ITPR1: variants seen among roughly 807,000 people sequenced by gnomAD.
ITPR1 encodes inositol 1,4,5-trisphosphate receptor type 1.
ITPR1 carries 96 observed loss-of-function variants against 318.4 expected under a neutral mutation model. That is an observed-to-expected ratio of 0.30 (90% CI 0.26 to 0.36). The LOEUF (loss-of-function observed/expected upper bound fraction) is 0.36, where lower values mean the gene tolerates loss of function less well. ITPR1 is among the 10% of genes least tolerant of loss of function. The pLI, the probability that ITPR1 is intolerant of heterozygous loss-of-function variation, is 1.00. For synonymous variants in ITPR1, 1,312 were observed against 1,289.9 expected (o/e 1.02, Z -0.37); for missense variants, 2,440 against 3,460.2 (o/e 0.71, Z 7.40).
intron 18 of ITPR1, 146 bp from the exon 19 acceptor site, chr3:4,669,508 C>T: frequency 1.6e-6 from 1 of 639,532 alleles, no homozygotes; most frequent in Non-Finnish European, 2.4e-6. Context: ...CTGGTGATGC[C>T]ATAAACATTG....
chr3:4,668,697 A>T (rs1489524193), intron 18 of ITPR1, among the ~76,000 whole-genome samples: 3 of 151,996 alleles, frequency 2.0e-5, no homozygotes, highest in Non-Finnish European at 2.9e-5. Context: ...TGAACTCCTG[A>T]CCTCGTGATC....
intron 4 of ITPR1, among the ~76,000 whole-genome samples, chr3:4,568,960 C>T (rs968896644): frequency 1.3e-5 from 2 of 152,082 alleles, no homozygotes; most frequent in South Asian, 4.1e-4. Context: ...AGGTATGTCA[C>T]ATGGCAAAAG....
At chr3:4,579,483 G>T (rs1448713697) in intron 4 of ITPR1, among the ~76,000 whole-genome samples, 1 of 152,154 alleles carries the variant, frequency 6.6e-6, no homozygotes, top group African/African-American at 2.4e-5. Context: ...CTGATCAAGA[G>T]CTATCTTCAT....
At chr3:4,578,137 A>C (rs1466388179) in intron 4 of ITPR1, among the ~76,000 whole-genome samples, 1 of 152,230 alleles carries the variant, frequency 6.6e-6, no homozygotes, top group Non-Finnish European at 1.5e-5. Context: ...ATAACGCTTG[A>C]CACCATTGGG....
At chr3:4,523,623 T>G (rs1156356337) in intron 4 of ITPR1, among the ~76,000 whole-genome samples, 1 of 152,160 alleles carries the variant, frequency 6.6e-6, no homozygotes, top group East Asian at 1.9e-4. Context: ...ACTCTCTGTT[T>G]CTAGGAGTTC....
intron 39 of ITPR1, among the ~76,000 whole-genome samples, chr3:4,715,697 AC>A (rs1559758048): frequency 1.3e-5 from 2 of 152,206 alleles, no homozygotes. Context: ...TACTAAAAAT[AC>A]AAAAATTAGC....
chr3:4,735,156 C>T lies in ITPR1; in HGVS notation c.5354-8C>T, dbSNP rs754119985. On this transcript the variant is annotated splice_polypyrimidine_tract_variant and splice_region_variant and intron_variant, in intron 43 of 61. Transcript: ENST00000649015. ...GTGCTTAGTAAAAACAATATTCCAT[C>T]TTCTTAGGGGGAGGTTCCGGATCCA... 2 of 1,608,544 alleles carry T rather than the reference C, an allele frequency of 1.2e-6. No individual in the cohort carries two copies. The highest frequency in any genetic ancestry group is 2.2e-5 in the South Asian group (2 of 90,914).
Position 4,710,303 on chromosome 3 carries a change from T to G in ITPR1, c.4843-22T>G. 6.6e-7 allele frequency: 1 copy of G among 1,526,210 alleles called. No individual in the cohort carries two copies. Among genetic ancestry groups the G allele is most frequent in the Non-Finnish European group, 8.9e-7 (1 of 1,128,552 alleles). 94.5% of individuals were successfully genotyped at this position (1,526,210 alleles called of 1,614,324 possible). On this transcript the variant is annotated intron_variant, in intron 37 of 61. Transcript: ENST00000649015. The surrounding 1 kb of genome is among the most constrained non-coding windows in gnomAD (Gnocchi z 4.2). The stretch of plus-strand genomic sequence containing the variant: ...GTCAGCGTCTGCCTGAGCCGTTGAC[T>G]GAGGCTGTGTTTCCGTTTTAGGACA...
intron 4 of ITPR1, among the ~76,000 whole-genome samples, chr3:4,569,249 T>C (rs1398720099): frequency 6.6e-6 from 1 of 152,244 alleles, no homozygotes; most frequent in Admixed American, 6.5e-5. Context: ...TTGCCTTATT[T>C]TTATTTTAAA....
chr3:4,837,816 A>G (rs2051038508), intron 61 of ITPR1, among the ~76,000 whole-genome samples: 1 of 152,128 alleles, frequency 6.6e-6, no homozygotes, highest in Admixed American at 6.5e-5. Flanking sequence ...GAAGACCCTG[A>G]TTGGTTTTAT....
Position 4,727,165 on chromosome 3 carries a change from C to T in ITPR1, c.5212C>T (p.His1738Tyr), listed in dbSNP as rs2042575574. The T allele has an allele frequency of 6.3e-7, 1 of 1,596,488 alleles. No individual in the cohort carries two copies. Among genetic ancestry groups the T allele is most frequent in the Non-Finnish European group, 8.5e-7 (1 of 1,178,002 alleles). The change falls in exon 42 of 62, where the codon CAT becomes TAT. Residue 1738 changes from histidine (H) to tyrosine (Y), a missense_variant. His to Tyr is a moderately conservative substitution (Grantham distance 83). Around this residue, in one of 23 missense-constraint regions of ITPR1, gnomAD observed 166 missense variants for 143.7 expected, o/e 1.16. Coordinates refer to ENST00000649015, the MANE Select transcript of ITPR1 (RefSeq NM_001378452.1). ...TCCACCCCTGCGGCAGCTGGAAGAC[C>T]ATAAAAGGGTACGTAGTCTTGAGTC... is the stretch of plus-strand genomic sequence containing the variant. ...PSPPLRQLED[H>Y]KRGEALRQVL...
At chr3:4,818,997 T>C (rs958675755) in intron 60 of ITPR1, among the ~76,000 whole-genome samples, 2 of 152,204 alleles carry the variant, frequency 1.3e-5, no homozygotes, top group Non-Finnish European at 2.9e-5. Flanking sequence ...TCTCTGTGAT[T>C]CACGCTGGCT....
Position 4,846,725 on chromosome 3 carries a change from G to T in ITPR1, c.*500G>T, listed in dbSNP as rs2051806936. 6.6e-6 allele frequency: 1 copy of T among 152,666 alleles called. No homozygotes were observed. Among genetic ancestry groups the T allele is most frequent in the Non-Finnish European group, 1.5e-5 (1 of 68,054 alleles). The allele number at this position is 152,666 out of a possible 1,614,324, so 9.5% of individuals were successfully genotyped here. A position where few individuals can be genotyped will look rare whatever the true frequency, so the allele number is the denominator to read the frequency against. On this transcript the variant is annotated 3_prime_UTR_variant, in exon 62 of 62. Transcript: ENST00000649015. ...TGCTGCTGCCAAAATTATATTAATA[G>T]TGAGTTTCAGGCCCCTGGGCATTTT... is the stretch of plus-strand genomic sequence containing the variant.
At chr3:4,784,566 GTT>G (rs767602327) in intron 51 of ITPR1, among the ~76,000 whole-genome samples, 7 of 135,290 alleles carry the variant, frequency 5.2e-5, no homozygotes, top group Admixed American at 7.3e-5. Flanking sequence ...TGTGTTTTTT[GTT>G]TTTTTTTTTT....
chr3:4,611,571 A>AATAC (rs1553644648), intron 4 of ITPR1, among the ~76,000 whole-genome samples: 1 of 150,570 alleles, frequency 6.6e-6, no homozygotes, highest in Non-Finnish European at 1.5e-5. Context: ...AAAATAAATA[A>AATAC]ATAAATAAAT....
chr3:4,658,629 A>C (rs1322146568), intron 13 of ITPR1, among the ~76,000 whole-genome samples: 1 of 151,630 alleles, frequency 6.6e-6, no homozygotes, highest in East Asian at 2.0e-4. Flanking sequence ...AGGAAATTGA[A>C]TGGAAATAGA....
chr3:4,639,447 A>G lies in ITPR1; in HGVS notation c.343A>G (p.Ile115Val). The G allele has an allele frequency of 2.5e-6, 4 of 1,582,322 alleles. No homozygotes were observed. The highest frequency in any genetic ancestry group is 3.4e-6 in the Non-Finnish European group (4 of 1,163,726). ...TENRKLLGTVIQYGNVIQLLH... is the reference protein window; with the variant it reads ...TENRKLLGTVVQYGNVIQLLH... ...AAACAGGAAATTGCTGGGGACCGTA[A>G]TCCAGTATGGCAATGTGATCCAGGT... Residue 115 changes from isoleucine to valine, a missense_variant, in exon 6 of 62, where the codon ATC becomes GTC. Ile to Val is a conservative substitution (Grantham distance 29). This residue lies in a region of ITPR1 where 186 missense variants were observed against 323.9 expected (regional missense o/e 0.57). Coordinates refer to ENST00000649015, the MANE Select transcript of ITPR1 (RefSeq NM_001378452.1).
chr3:4,697,388 A>G, intron 34 of ITPR1, 116 bp downstream of exon 34: 1 of 1,006,698 alleles, frequency 9.9e-7, no homozygotes, highest in Non-Finnish European at 1.4e-6. Context: ...AAACAGCTGC[A>G]TCATTTCTAC....
intron 13 of ITPR1, among the ~76,000 whole-genome samples, chr3:4,659,343 A>G (rs925098721): frequency 1.3e-5 from 2 of 152,194 alleles, no homozygotes; most frequent in East Asian, 1.9e-4. Context: ...TGTTTTATAC[A>G]TATCTCCAAG....
Sources: gnomAD v4.1 joint callset for allele counts (sites outside exome capture counted in the v4.1 genomes callset) on GRCh38, gnomAD v4.1.1 for gene constraint, gnomAD v4.1.1 regional missense constraint, Gnocchi (gnomAD v3.1) non-coding constraint, MANE v1.5 for transcripts, NCBI Gene and HGNC (gene_info 2026-07-23, HGNC 2026-07-21) for gene names.